Variants in INTS13 observed in about 807,000 individuals in gnomAD.
The protein encoded by INTS13 is asunder, spermatogenesis regulator homolog (Drosphila).
Under a neutral mutation model 90.2 loss-of-function variants are expected in INTS13, and 35 were observed. The ratio of observed to expected loss-of-function variants is 0.39; its 90% CI spans 0.30 to 0.51. INTS13 has a LOEUF of 0.51. INTS13 is among the 20% of genes least tolerant of loss of function. The pLI is 0.80. For missense variants in INTS13, 601 were observed against 851.2 expected (o/e 0.71, Z 3.66); for synonymous variants, 309 against 277.1 (o/e 1.11, Z -1.14).
intron 15 of INTS13, 52 bp downstream of exon 15, chr12:26,911,126 C>T (rs1951762965): frequency 6.4e-7 from 1 of 1,572,520 alleles, no homozygotes; most frequent in South Asian, 1.2e-5. Flanking sequence ...TAAGCCACCA[C>T]ACCCGGCCTG....
At position 26,922,716 on chromosome 12, in the gene INTS13, CAA is replaced by C; in HGVS notation, c.805-18_805-17del. The C allele has an allele frequency of 6.6e-7, 1 of 1,511,198 alleles. No homozygotes were observed. The allele number at this position is 1,511,198 out of a possible 1,614,324, so 93.6% of individuals were successfully genotyped here. Reference sequence around the variant, plus strand: ...GCTGTTCTTCCTTGAAGTAAAATTTCAAACATTTTAAAAAACTTGGTTTTGCT... The same window carrying C: ...GCTGTTCTTCCTTGAAGTAAAATTTCACATTTTAAAAAACTTGGTTTTGCT... On this transcript the variant is annotated splice_polypyrimidine_tract_variant and intron_variant, in intron 7 of 16. Coordinates refer to ENST00000261191, the MANE Select transcript of INTS13 (RefSeq NM_018164.3).
chr12:26,909,692 T>C (rs1220599236), intron 15 of INTS13, among the ~76,000 whole-genome samples: 2 of 152,222 alleles, frequency 1.3e-5, no homozygotes, highest in East Asian at 1.9e-4. Flanking sequence ...AAAAAACATC[T>C]ATTTAAATCC....
intron 3 of INTS13, among the ~76,000 whole-genome samples, chr12:26,929,564 A>G (rs1377033046): frequency 1.9e-5 from 2 of 106,058 alleles, no homozygotes; most frequent in Non-Finnish European, 4.3e-5. Flanking sequence ...CTATAAAAAG[A>G]AAAAAAAAAA....
rs371889422 is a variant in INTS13 at position 26,928,165 on chromosome 12, C to T, written c.584+40G>A. ...GGAAATAATTATAACATATATCTAT[C>T]CACATGAACATATTTATTTCATTTA... On this transcript the variant is annotated intron_variant, in intron 5 of 16. Coordinates refer to ENST00000261191, the MANE Select transcript of INTS13 (RefSeq NM_018164.3). 2.0e-5 allele frequency: 28 copies of T among 1,390,350 alleles called. 1 individual carries two copies. In the South Asian group the frequency reaches 2.8e-4, roughly 14 times the overall value. 86.1% of individuals were successfully genotyped at this position (1,390,350 alleles called of 1,614,324 possible). A position where few individuals can be genotyped will look rare whatever the true frequency, so the allele number is the denominator to read the frequency against.
chr12:26,910,374 C>T (rs1037833593), intron 15 of INTS13, among the ~76,000 whole-genome samples: 21 of 152,158 alleles, frequency 1.4e-4, no homozygotes, highest in African/African-American at 4.8e-4. Flanking sequence ...AAGTATAACA[C>T]TACTTGTTTT....
intron 10 of INTS13, among the ~76,000 whole-genome samples, chr12:26,917,055 T>A (rs900694904): frequency 5.9e-5 from 9 of 152,022 alleles, no homozygotes; most frequent in African/African-American, 2.2e-4. Context: ...ACTCTGAAGG[T>A]CAAATTTTTT....
intron 3 of INTS13, among the ~76,000 whole-genome samples, chr12:26,930,900 A>T (rs1938151491): frequency 6.6e-6 from 1 of 152,194 alleles, no homozygotes; most frequent in South Asian, 2.1e-4. Flanking sequence ...TGGAATTCTT[A>T]AAATTGTTTT....
chr12:26,905,340 T>C lies in INTS13; in HGVS notation c.*157A>G. The C allele has an allele frequency of 1.6e-6, 1 of 629,296 alleles. No homozygotes were observed. Among genetic ancestry groups the C allele is most frequent in the East Asian group, 3.2e-5 (1 of 31,512 alleles). The allele number at this position is 629,296 out of a possible 1,614,324, so 39.0% of individuals were successfully genotyped here. ...TGTATATTTTTGAATTATGTGCCAA[T>C]TTTATAATTAGTACAAAAATGACAG... On this transcript the variant is annotated 3_prime_UTR_variant, in exon 17 of 17. Transcript: ENST00000261191.
At chr12:26,917,875 G>T (rs531228505) in intron 8 of INTS13, 142 bp from the exon 9 acceptor site, 7 of 622,056 alleles carry the variant, frequency 1.1e-5, no homozygotes, top group African/African-American at 3.7e-5. Context: ...TGTAATCCCA[G>T]CACTTTGGGA....
intron 5 of INTS13, among the ~76,000 whole-genome samples, chr12:26,926,415 C>G (rs1231277242): frequency 6.6e-6 from 1 of 152,212 alleles, no homozygotes; most frequent in African/African-American, 2.4e-5. Flanking sequence ...GGTAGATGTA[C>G]ACTTTTTAAT....
At chr12:26,914,640 TGTACTA>T in intron 11 of INTS13, 62 bp from the exon 12 acceptor site, 1 of 1,329,844 alleles carries the variant, frequency 7.5e-7, no homozygotes, top group South Asian at 1.3e-5. Context: ...ATGGATTACA[TGTACTA>T]GTCTGTTTCC....
chr12:26,908,780 A>G (rs1951687423), intron 15 of INTS13, among the ~76,000 whole-genome samples: 1 of 152,224 alleles, frequency 6.6e-6, no homozygotes, highest in South Asian at 2.1e-4. Flanking sequence ...TGAAGGAAAA[A>G]ACAAACACTT....
rs1431273107 is a variant in INTS13, at chr12:26,936,696, A to G, written c.108T>C (p.Asn36=). 4.3e-6 allele frequency: 7 copies of G among 1,614,062 alleles called. No individual in the cohort carries two copies. Among genetic ancestry groups the G allele is most frequent in the Non-Finnish European group, 5.1e-6 (6 of 1,179,924 alleles). Residue 36 remains asparagine (N), a synonymous_variant, in exon 2 of 17, where the codon AAT becomes AAC. Coordinates refer to ENST00000261191, the MANE Select transcript of INTS13 (RefSeq NM_018164.3). The part of the protein sequence containing the change: ...QHVEFDMLVK[N]RTQGIIPLAP... ...CCAAAGGAATGATTCCTTGGGTTCT[A>G]TTCTTCACCAGCATATCAAACTCGA...
At chr12:26,921,909 G>T (rs2137494306) in intron 8 of INTS13, among the ~76,000 whole-genome samples, 1 of 152,286 alleles carries the variant, frequency 6.6e-6, no homozygotes, top group East Asian at 1.9e-4. Context: ...GCCCACCTTG[G>T]CCTCCCAAAG....
Position 26,936,720 on chromosome 12 carries a change from G to T in INTS13, c.84C>A (p.Val28=). The change falls in exon 2 of 17, where the codon GTC becomes GTA. Residue 28 remains valine, a synonymous_variant. Transcript: ENST00000261191. ...TATTCTTCACCAGCATATCAAACTC[G>T]ACATGCTGCCTGCAAGATTCTGCCA... The part of the protein sequence containing the change: ...PYMAESCRQH[V]EFDMLVKNRT... The T allele has an allele frequency of 1.9e-6, 3 of 1,614,018 alleles. No homozygotes were observed. The highest frequency in any genetic ancestry group is 2.5e-6 in the Non-Finnish European group (3 of 1,179,978).
intron 3 of INTS13, among the ~76,000 whole-genome samples, chr12:26,930,924 A>G (rs1479587207): frequency 6.6e-6 from 1 of 152,204 alleles, no homozygotes; most frequent in East Asian, 1.9e-4. Context: ...AGGTAATAGT[A>G]TATTAAGAAC....
At chr12:26,926,193 T>C (rs1483036308) in intron 5 of INTS13, among the ~76,000 whole-genome samples, 1 of 152,220 alleles carries the variant, frequency 6.6e-6, no homozygotes, top group African/African-American at 2.4e-5. Context: ...TAATATTTCT[T>C]AAGGATAAAA....
intron 11 of INTS13, among the ~76,000 whole-genome samples, chr12:26,915,589 C>A (rs1951910121): frequency 6.6e-6 from 1 of 152,080 alleles, no homozygotes; most frequent in African/African-American, 2.4e-5. Flanking sequence ...AACAGAATTT[C>A]TACCAAAAAT....
intron 16 of INTS13, 151 bp from the exon 17 acceptor site, chr12:26,905,687 C>G (rs1282299843): frequency 5.5e-6 from 4 of 727,366 alleles, no homozygotes; most frequent in Non-Finnish European, 8.6e-6. Context: ...GTTCCTCTAG[C>G]TAGGCCAATT....
Sources: allele counts gnomAD v4.1 joint callset (sites outside exome capture counted in the v4.1 genomes callset), GRCh38; gene constraint gnomAD v4.1.1; transcripts MANE v1.5; gene names NCBI Gene and HGNC (gene_info 2026-07-23, HGNC 2026-07-21).